The following PRRC2B variants were observed in gnomAD, a reference collection of about 807,000 sequenced individuals.
PRRC2B encodes the protein proline rich coiled-coil 2B.
Under a neutral mutation model 242.3 loss-of-function variants are expected in PRRC2B, and 68 were observed. The ratio of observed to expected loss-of-function variants is 0.28; its 90% CI spans 0.23 to 0.34. The LOEUF (loss-of-function observed/expected upper bound fraction) is 0.34. Among genes scored for constraint, PRRC2B ranks in the 10% least tolerant of loss-of-function variants. The pLI is 1.00. For synonymous variants in PRRC2B, 1,228 were observed against 1,173.6 expected (o/e 1.05, Z -0.95); for missense variants, 2,835 against 2,954.8 (o/e 0.96, Z 0.94).
intron 1 of PRRC2B, among the ~76,000 whole-genome samples, chr9:131,408,010 G>A (rs1249748976): frequency 2.6e-5 from 4 of 152,196 alleles, no homozygotes; most frequent in African/African-American, 9.7e-5. Flanking sequence ...TGGTTGCTGA[G>A]GAGTCCTTCG....
intron 2 of PRRC2B, among the ~76,000 whole-genome samples, chr9:131,432,347 T>C (rs1282903481): frequency 6.6e-6 from 1 of 152,192 alleles, no homozygotes; most frequent in Non-Finnish European, 1.5e-5. Flanking sequence ...TTGTAAAGTC[T>C]GCGAGCCTTG....
chr9:131,411,182 G>A (rs1837496431), intron 1 of PRRC2B, among the ~76,000 whole-genome samples: 2 of 151,540 alleles, frequency 1.3e-5, no homozygotes, highest in Admixed American at 6.6e-5. Context: ...GCCTGAACCC[G>A]GGAGGTGGAG....
upstream of PRRC2B, among the ~76,000 whole-genome samples, chr9:131,389,426 G>C (rs1372232387): frequency 6.6e-6 from 1 of 150,578 alleles, no homozygotes; most frequent in Non-Finnish European, 1.5e-5. Flanking sequence ...CAAAGTGCTA[G>C]GATCACATGC....
intron 1 of PRRC2B, among the ~76,000 whole-genome samples, chr9:131,421,033 G>A (rs146839783): frequency 1.2e-4 from 18 of 152,290 alleles, no homozygotes; most frequent in African/African-American, 3.9e-4. Context: ...TGTAAATATG[G>A]CTATTCTCTT....
intron 9 of PRRC2B, among the ~76,000 whole-genome samples, chr9:131,454,288 C>T (rs1056783235): frequency 1.3e-5 from 2 of 152,222 alleles, no homozygotes; most frequent in African/African-American, 2.4e-5. Flanking sequence ...TACTTTCTGC[C>T]ATCTGAGCCA....
chr9:131,385,717 G>A (rs1238255883), intron 1 of PRRC2B, among the ~76,000 whole-genome samples: 9 of 150,306 alleles, frequency 6.0e-5, no homozygotes, highest in East Asian at 2.0e-4. Context: ...TTTTTGAGGC[G>A]GAGTCTCGCC....
At chr9:131,375,372 C>T (rs1836671119) in intron 1 of PRRC2B, among the ~76,000 whole-genome samples, 1 of 151,770 alleles carries the variant, frequency 6.6e-6, no homozygotes, top group Admixed American at 6.6e-5. Flanking sequence ...GCACTCCAGC[C>T]TGGGTGACAG....
intron 28 of PRRC2B, among the ~76,000 whole-genome samples, chr9:131,490,243 A>C (rs1944150571): frequency 5.1e-5 from 7 of 138,420 alleles, no homozygotes; most frequent in East Asian, 2.2e-4. Context: ...TCACCCCCTT[A>C]CCCTTCAGCA....
At chr9:131,410,346 C>T (rs998391415) in intron 1 of PRRC2B, among the ~76,000 whole-genome samples, 35 of 152,304 alleles carry the variant, frequency 2.3e-4, no homozygotes, top group African/African-American at 7.9e-4. Context: ...GATAACAGTG[C>T]CAGCGCCAGT....
chr9:131,418,407 G>A (rs565714079), intron 1 of PRRC2B, among the ~76,000 whole-genome samples: 3 of 152,326 alleles, frequency 2.0e-5, no homozygotes, highest in South Asian at 2.1e-4. Flanking sequence ...TAGATTCAGC[G>A]TTGGTTATTA....
At chr9:131,485,765 G>A (rs1041082180) in intron 25 of PRRC2B, 1 of 622,620 alleles carries the variant, frequency 1.6e-6, no homozygotes, top group Non-Finnish European at 3.1e-6. Flanking sequence ...GGCAGCCCTG[G>A]TTAAAGTAGA....
chr9:131,489,982 C>T (rs900402449), intron 28 of PRRC2B, among the ~76,000 whole-genome samples: 19 of 151,946 alleles, frequency 1.3e-4, no homozygotes, highest in Non-Finnish European at 2.2e-4. Context: ...TCAGCATGCC[C>T]GTGGGCCCTG....
rs780469266 is a variant in PRRC2B, at chr9:131,475,387, C to T, written c.3258C>T (p.Ser1086=). The part of the protein sequence containing the change: ...FRGRPAGGNG[S]GLCGGGVLGA... ...GTCGGCCTGCTGGCGGAAATGGGAG[C>T]GGCCTCTGTGGTGGGGGGGTCCTGG... The change falls in exon 16 of 32, where the codon AGC becomes AGT. Residue 1086 remains serine (S), a synonymous_variant. Coordinates refer to ENST00000683519, the MANE Select transcript of PRRC2B (RefSeq NM_013318.4). 6.3e-6 allele frequency: 10 copies of T among 1,585,592 alleles called. No homozygotes were observed. Among genetic ancestry groups the T allele is most frequent in the Admixed American group, 1.8e-5 (1 of 56,024 alleles).
At chr9:131,437,307 C>G (rs994308425) in intron 4 of PRRC2B, among the ~76,000 whole-genome samples, 7 of 152,196 alleles carry the variant, frequency 4.6e-5, no homozygotes, top group African/African-American at 1.7e-4. Flanking sequence ...TCTCTCAGAA[C>G]ACGCTTTGGG....
rs1351323120 is a variant in PRRC2B, at chr9:131,485,065, A to G, written c.5683A>G (p.Asn1895Asp). 1.2e-6 allele frequency: 2 copies of G among 1,608,984 alleles called. No individual in the cohort carries two copies. Among genetic ancestry groups the G allele is most frequent in the Non-Finnish European group, 1.7e-6 (2 of 1,177,664 alleles). The change falls in exon 25 of 32, where the codon AAC becomes GAC. Residue 1895 changes from asparagine (N) to aspartate (D), a missense_variant. Transcript: ENST00000683519. ...PSSVGASSGV[N>D]YSSFGGVSMP... is the part of the protein sequence containing the mutation. The stretch of plus-strand genomic sequence containing the variant: ...CTCTGTGGGTGCCTCCAGCGGGGTC[A>G]ACTACAGCTCCTTCGGTGGAGTGTC...
At chr9:131,415,040 C>G (rs773098533) in intron 1 of PRRC2B, among the ~76,000 whole-genome samples, 1 of 152,062 alleles carries the variant, frequency 6.6e-6, no homozygotes, top group Non-Finnish European at 1.5e-5. Flanking sequence ...TTGCCCACGC[C>G]GGAGTACAGT....
At chr9:131,376,046 CAAAA>C (rs56400904) in intron 1 of PRRC2B, among the ~76,000 whole-genome samples, 5 of 72,992 alleles carry the variant, frequency 6.9e-5, no homozygotes, top group Non-Finnish European at 7.6e-5. Context: ...GAGACTGTCT[CAAAA>C]AAAAAAAAAA....
At chr9:131,420,463 T>TCC (rs1564278493) in intron 1 of PRRC2B, among the ~76,000 whole-genome samples, 11 of 9,364 alleles carry the variant, frequency 1.2e-3, no homozygotes, top group African/African-American at 2.1e-3. Context: ...TTTTCTTTCT[T>TCC]TCTTTCTTTC....
chr9:131,388,203 C>G (rs956928989), intron 1 of PRRC2B, among the ~76,000 whole-genome samples: 20 of 142,160 alleles, frequency 1.4e-4, no homozygotes, highest in African/African-American at 4.9e-4. Context: ...AAAAAAAAAT[C>G]ATTATTAAAA....
Sources: gnomAD v4.1 joint callset for allele counts (sites outside exome capture counted in the v4.1 genomes callset) on GRCh38, gnomAD v4.1.1 for gene constraint, MANE v1.5 for transcripts, NCBI Gene and HGNC (gene_info 2026-07-23, HGNC 2026-07-21) for gene names.